The following TRIM24 variants were observed in gnomAD, a reference collection of about 807,000 sequenced individuals.
TRIM24 encodes transcription intermediary factor 1-alpha.
In TRIM24, 29 loss-of-function variants were observed where a neutral mutation model predicts 123.9. The ratio of observed to expected loss-of-function variants is 0.23; its 90% CI spans 0.17 to 0.32. The LOEUF (loss-of-function observed/expected upper bound fraction) is 0.32, where lower values mean the gene tolerates loss of function less well. Ranked by LOEUF, TRIM24 falls within the 10% of genes least tolerant of loss-of-function variation. The pLI is 1.00. For synonymous variants in TRIM24, 456 were observed against 461.1 expected, an observed-to-expected ratio of 0.99 and a Z score of 0.14; for missense variants, 932 against 1,295.3, an observed-to-expected ratio of 0.72 and a Z score of 4.31.
At position 138,460,887 on chromosome 7, in the gene TRIM24, C is replaced by T. The variant is rs1011501687; in HGVS notation, c.339C>T (p.Ser113=). 3.9e-6 allele frequency: 6 copies of T among 1,520,646 alleles called. No individual in the cohort carries two copies. The East Asian group carries it at 1.6e-4, about 41-fold the overall frequency. 94.2% of individuals were successfully genotyped at this position (1,520,646 alleles called of 1,614,324 possible). ...TCCCTGCCCCCGGCTCGCCGGTCAGCGGCTCGTCGCCGTTCGCCACCCAAG... is the reference window on the plus strand; with the variant it reads ...TCCCTGCCCCCGGCTCGCCGGTCAGTGGCTCGTCGCCGTTCGCCACCCAAG... ...PPVPAPGSPV[S]GSSPFATQVG... is the part of the protein sequence containing the mutation. The change falls in exon 1 of 19, where the codon AGC becomes AGT. Residue 113 remains serine, a synonymous_variant. Transcript: ENST00000343526.
At chr7:138,561,998 C>T (rs544299750) in intron 9 of TRIM24, among the ~76,000 whole-genome samples, 23 of 152,248 alleles carry the variant, frequency 1.5e-4, no homozygotes, top group African/African-American at 3.6e-4. Context: ...AGCCTTCTTT[C>T]GCTCACTGCC....
In TRIM24 at chr7:138,460,291, C is replaced by G. The variant is rs996295970; in HGVS notation, c.-258C>G. On this transcript the variant is annotated 5_prime_UTR_variant, in exon 1 of 19. Coordinates refer to ENST00000343526, the MANE Select transcript of TRIM24 (RefSeq NM_015905.3). Reference sequence around the variant, plus strand: ...ACGAGCGCCTCGGCGGTTGGCGAAGCGGACGGGGTGCAGCCTCCCCGGTGC... The same window carrying G: ...ACGAGCGCCTCGGCGGTTGGCGAAGGGGACGGGGTGCAGCCTCCCCGGTGC... 2.6e-6 allele frequency: 1 copy of G among 378,456 alleles called. No individual in the cohort carries two copies. Among genetic ancestry groups the G allele is most frequent in the African/African-American group, 2.1e-5 (1 of 47,860 alleles). The allele number at this position is 378,456 out of a possible 1,614,324, so 23.4% of individuals were successfully genotyped here. A position where few individuals can be genotyped will look rare whatever the true frequency, so the allele number is the denominator to read the frequency against.
chr7:138,468,187 G>A (rs1795193142), intron 1 of TRIM24, among the ~76,000 whole-genome samples: 1 of 152,140 alleles, frequency 6.6e-6, no homozygotes, highest in African/African-American at 2.4e-5. Flanking sequence ...TTTTTAATAT[G>A]CTGAGAATTT....
chr7:138,513,024 C>CT (rs1395699817), intron 2 of TRIM24, among the ~76,000 whole-genome samples: 3 of 152,168 alleles, frequency 2.0e-5, no homozygotes, highest in Non-Finnish European at 4.4e-5. Flanking sequence ...ACCAGATACT[C>CT]TAAATAATCT....
chr7:138,528,998 C>A, intron 5 of TRIM24, 118 bp from the exon 6 acceptor site: 1 of 471,060 alleles, frequency 2.1e-6, no homozygotes, highest in Non-Finnish European at 3.8e-6. Flanking sequence ...AAGTGAAGGA[C>A]TCAGAAATAG....
intron 1 of TRIM24, chr7:138,490,800 G>A (rs565914661): frequency 1.0e-5 from 5 of 484,040 alleles, no homozygotes; most frequent in East Asian, 5.7e-5. Context: ...AGTGCTATCC[G>A]GAATCAATGT....
At chr7:138,472,814 A>T (rs1196950862) in intron 1 of TRIM24, among the ~76,000 whole-genome samples, 1 of 152,216 alleles carries the variant, frequency 6.6e-6, no homozygotes, top group Non-Finnish European at 1.5e-5. Flanking sequence ...CAGCTGAACT[A>T]AATGTCAGCT....
rs1280978594 is a variant in TRIM24, at chr7:138,589,021, A to T, written c.*4070A>T. The stretch of plus-strand genomic sequence containing the variant: ...AAAACTCTGTCTCAAAAAAAAAAAA[A>T]AATGGTGACCATGCGTTCAACCATA... On this transcript the variant is annotated 3_prime_UTR_variant, in exon 19 of 19. Coordinates refer to ENST00000343526, the MANE Select transcript of TRIM24 (RefSeq NM_015905.3). 6.6e-6 allele frequency: 1 copy of T among 152,368 alleles called. No homozygotes were observed. Among genetic ancestry groups the T allele is most frequent in the Non-Finnish European group, 1.5e-5 (1 of 68,206 alleles). The allele number at this position is 152,368 out of a possible 1,614,324, so 9.4% of individuals were successfully genotyped here.
rs1356070175 is a variant in TRIM24 at position 138,460,451 on chromosome 7, C to A, written c.-98C>A. 1.6e-5 allele frequency: 19 copies of A among 1,189,016 alleles called. No homozygotes were observed. Among genetic ancestry groups the A allele is most frequent in the Non-Finnish European group, 2.0e-5 (19 of 946,424 alleles). 73.7% of individuals were successfully genotyped at this position (1,189,016 alleles called of 1,614,324 possible). A position where few individuals can be genotyped will look rare whatever the true frequency, so the allele number is the denominator to read the frequency against. On this transcript the variant is annotated 5_prime_UTR_variant, in exon 1 of 19. Coordinates refer to ENST00000343526, the MANE Select transcript of TRIM24 (RefSeq NM_015905.3). ...CTGGCGCTGCCGCGAGTCCACCGAG[C>A]GGCCTCTGAGGAGCAGCCGCAGGAG...
chr7:138,490,250 T>C (rs1795751040), intron 1 of TRIM24, among the ~76,000 whole-genome samples: 1 of 152,132 alleles, frequency 6.6e-6, no homozygotes, highest in Non-Finnish European at 1.5e-5. Flanking sequence ...TAGCCATTCG[T>C]CTAATCTTTT....
chr7:138,523,331 C>A (rs1584717331), intron 4 of TRIM24, among the ~76,000 whole-genome samples: 1 of 152,240 alleles, frequency 6.6e-6, no homozygotes, highest in African/African-American at 2.4e-5. Flanking sequence ...AGCTTTTTAA[C>A]AAAACTTTTG....
At chr7:138,523,737 C>T (rs6978524) in intron 4 of TRIM24, among the ~76,000 whole-genome samples, 36,530 of 131,342 alleles carry the variant, frequency 0.28, 5,429 homozygotes, top group East Asian at 0.5. Context: ...GGCGACAGAG[C>T]GAGACTCCGT....
intron 1 of TRIM24, among the ~76,000 whole-genome samples, chr7:138,502,555 A>C (rs1426046356): frequency 6.6e-6 from 1 of 152,354 alleles, no homozygotes; most frequent in East Asian, 1.9e-4. Flanking sequence ...TAGAGTGTGC[A>C]CATGACATGT....
At chr7:138,463,045 T>TTTG (rs1795044726) in intron 1 of TRIM24, among the ~76,000 whole-genome samples, 1 of 48,662 alleles carries the variant, frequency 2.1e-5, no homozygotes, top group East Asian at 2.2e-4. Flanking sequence ...AATTTTGTGT[T>TTTG]TTTTTTTTTT....
chr7:138,497,420 A>G (rs1342909511), intron 1 of TRIM24, among the ~76,000 whole-genome samples: 45 of 71,792 alleles, frequency 6.3e-4, no homozygotes, highest in South Asian at 8.8e-4. Flanking sequence ...TTTTTTTTTG[A>G]GAAAGAGTCT....
intron 1 of TRIM24, among the ~76,000 whole-genome samples, chr7:138,463,043 G>GTTT (rs57719141): frequency 0.021 from 1,239 of 60,120 alleles, 176 homozygotes; most frequent in Admixed American, 0.066. Context: ...CTAATTTTGT[G>GTTT]TTTTTTTTTT....
In TRIM24 at chr7:138,588,937, G is replaced by C. The variant is rs572207930; in HGVS notation, c.*3986G>C. On this transcript the variant is annotated 3_prime_UTR_variant, in exon 19 of 19. Coordinates refer to ENST00000343526, the MANE Select transcript of TRIM24 (RefSeq NM_015905.3). ...GCAGGAGAATAGCTTGAACCCAGGA[G>C]GTGGAGGTTGCAGTGAGTCGAGATT... 6.6e-6 allele frequency: 1 copy of C among 151,982 alleles called. No homozygotes were observed. The highest frequency in any genetic ancestry group is 2.4e-5 in the African/African-American group (1 of 41,324). 9.4% of individuals were successfully genotyped at this position (151,982 alleles called of 1,614,324 possible).
intron 10 of TRIM24, among the ~76,000 whole-genome samples, chr7:138,568,584 ACCAT>A (rs2116665751): frequency 6.6e-6 from 1 of 151,392 alleles, no homozygotes; most frequent in African/African-American, 2.4e-5. Flanking sequence ...ACAGGGTTTC[ACCAT>A]GTTGGCCAGG....
intron 1 of TRIM24, among the ~76,000 whole-genome samples, chr7:138,497,389 ATTTCTTT>A (rs1795933379): frequency 8.1e-6 from 1 of 123,854 alleles, no homozygotes. Flanking sequence ...TTCAATTACA[ATTTCTTT>A]TTTTTTTTTT....
Sources: allele counts gnomAD v4.1 joint callset (sites outside exome capture counted in the v4.1 genomes callset), GRCh38; gene constraint gnomAD v4.1.1; transcripts MANE v1.5; gene names NCBI Gene and HGNC (gene_info 2026-07-23, HGNC 2026-07-21).